PPP2R2B: variants seen among roughly 807,000 people sequenced by gnomAD.
PPP2R2B encodes the protein protein phosphatase 2 regulatory subunit Bbeta.
Under a neutral mutation model 46.0 loss-of-function variants are expected in PPP2R2B, and 5 were observed. The observed-to-expected ratio is 0.11, with a 90% CI of 0.06 to 0.23. PPP2R2B has a LOEUF of 0.23. PPP2R2B is among the 10% of genes least tolerant of loss of function. PPP2R2B has a pLI of 1.00. For synonymous variants in PPP2R2B, 215 were observed against 206.7 expected (o/e 1.04, Z -0.34); for missense variants, 367 against 575.0 (o/e 0.64, Z 3.70).
chr5:146,839,650 A>G (rs554485530), intron 2 of PPP2R2B, among the ~76,000 whole-genome samples: 3 of 152,354 alleles, frequency 2.0e-5, no homozygotes, highest in African/African-American at 7.2e-5. Flanking sequence ...TACTTAAGAA[A>G]TGGACTTGCT....
chr5:146,934,966 A>G (rs1214882300), intron 1 of PPP2R2B, among the ~76,000 whole-genome samples: 2 of 152,210 alleles, frequency 1.3e-5, no homozygotes, highest in African/African-American at 4.8e-5. Context: ...CAAAGCATTC[A>G]TACTCCATCA....
chr5:146,769,915 C>T (rs575117413), intron 2 of PPP2R2B, among the ~76,000 whole-genome samples: 6 of 152,144 alleles, frequency 3.9e-5, no homozygotes, highest in African/African-American at 1.4e-4. Context: ...CCTAGTTATT[C>T]TAGTTCTAAA....
At chr5:147,007,395 A>G (rs1754493391) in intron 1 of PPP2R2B, among the ~76,000 whole-genome samples, 1 of 152,060 alleles carries the variant, frequency 6.6e-6, no homozygotes, top group Admixed American at 6.6e-5. Flanking sequence ...GTAAAAATGC[A>G]CCAATCAGCA....
intron 1 of PPP2R2B, among the ~76,000 whole-genome samples, chr5:146,921,204 A>T (rs1763592516): frequency 6.6e-6 from 1 of 152,246 alleles, no homozygotes; most frequent in Admixed American, 6.5e-5. Flanking sequence ...CTAATTAATA[A>T]AAGATATCAT....
intron 2 of PPP2R2B, among the ~76,000 whole-genome samples, chr5:146,850,632 C>T (rs1427414671): frequency 3.3e-5 from 5 of 152,154 alleles, no homozygotes; most frequent in East Asian, 1.9e-4. Flanking sequence ...TTATGACTTT[C>T]GGATTTAGCA....
At chr5:147,067,285 C>T (rs1001423369) in intron 2 of PPP2R2B, among the ~76,000 whole-genome samples, 1 of 152,158 alleles carries the variant, frequency 6.6e-6, no homozygotes, top group African/African-American at 2.4e-5. Context: ...TTCCTCCTAT[C>T]TGAAATTTTG....
intron 1 of PPP2R2B, among the ~76,000 whole-genome samples, chr5:147,012,619 T>G (rs1754796108): frequency 6.6e-6 from 1 of 152,066 alleles, no homozygotes; most frequent in African/African-American, 2.4e-5. Context: ...TGCCTTCTGC[T>G]AGCTTTTGAA....
At chr5:146,899,939 A>T (rs1053595009) in intron 1 of PPP2R2B, among the ~76,000 whole-genome samples, 1 of 152,192 alleles carries the variant, frequency 6.6e-6, no homozygotes, top group Non-Finnish European at 1.5e-5. Flanking sequence ...AACACAGGCC[A>T]TATCTATGTT....
chr5:146,962,458 A>T (rs1752215889), intron 1 of PPP2R2B, among the ~76,000 whole-genome samples: 2 of 151,934 alleles, frequency 1.3e-5, no homozygotes, highest in South Asian at 4.2e-4. Flanking sequence ...GGAGTTCGAG[A>T]CTAGCCTGAC....
intron 1 of PPP2R2B, among the ~76,000 whole-genome samples, chr5:146,990,954 C>T (rs1248831423): frequency 1.3e-5 from 2 of 152,018 alleles, no homozygotes; most frequent in African/African-American, 4.8e-5. Context: ...GAATGGCCAA[C>T]AGGTATATGA....
chr5:146,595,341 G>A (rs1430847323), intron 8 of PPP2R2B, among the ~76,000 whole-genome samples: 1 of 152,162 alleles, frequency 6.6e-6, no homozygotes, highest in Admixed American at 6.5e-5. Context: ...AGGTTTTTAA[G>A]GTCTAGTTCC....
At chr5:146,897,928 G>A (rs1337873511) in intron 1 of PPP2R2B, among the ~76,000 whole-genome samples, 2 of 152,168 alleles carry the variant, frequency 1.3e-5, no homozygotes, top group Admixed American at 6.5e-5. Context: ...AGTGGCTCAC[G>A]CCTGTAATCC....
At chr5:146,722,816 A>G (rs1192771287) in intron 2 of PPP2R2B, among the ~76,000 whole-genome samples, 1 of 152,342 alleles carries the variant, frequency 6.6e-6, no homozygotes, top group Admixed American at 6.5e-5. Flanking sequence ...CCAGTTTGAC[A>G]TGGTTCTTGT....
At chr5:147,048,231 C>T (rs1313529187) in intron 1 of PPP2R2B, among the ~76,000 whole-genome samples, 2 of 152,056 alleles carry the variant, frequency 1.3e-5, no homozygotes, top group Non-Finnish European at 2.9e-5. Flanking sequence ...AAGAACAATG[C>T]CTGAAATGTT....
upstream of PPP2R2B, among the ~76,000 whole-genome samples, chr5:146,880,704 T>G (rs1238752422): frequency 6.6e-6 from 1 of 152,190 alleles, no homozygotes; most frequent in Non-Finnish European, 1.5e-5. Flanking sequence ...GGCCAGGCTG[T>G]GCTTGAGGAA....
rs1021385013 is a variant in PPP2R2B at position 146,585,747 on chromosome 5, G to A, written c.*4200C>T. 11 of 152,234 alleles carry A rather than the reference G, an allele frequency of 7.2e-5. No homozygotes were observed. In the East Asian group the frequency reaches 1.7e-3, roughly 24 times the overall value. 9.4% of individuals were successfully genotyped at this position (152,234 alleles called of 1,614,324 possible). A position where few individuals can be genotyped will look rare whatever the true frequency, so the allele number is the denominator to read the frequency against. On this transcript the variant is annotated 3_prime_UTR_variant, in exon 10 of 10. Coordinates refer to ENST00000394411, the MANE Select transcript of PPP2R2B (RefSeq NM_181675.4). ...AAGCAATAGTATATTACCCATCACT[G>A]TTGTTGCTATTATTAGTTTATGGTG...
chr5:146,764,448 C>A (rs373987715), intron 2 of PPP2R2B, among the ~76,000 whole-genome samples: 44 of 152,306 alleles, frequency 2.9e-4, no homozygotes, highest in South Asian at 6.2e-4. Flanking sequence ...AAGTCTATTG[C>A]CTCTTCTGGA....
intron 1 of PPP2R2B, among the ~76,000 whole-genome samples, chr5:146,900,227 A>G (rs1037182220): frequency 2.0e-5 from 3 of 152,206 alleles, no homozygotes; most frequent in Non-Finnish European, 4.4e-5. Flanking sequence ...CCAAGGAATA[A>G]GTGTCAAAAA....
intron 1 of PPP2R2B, among the ~76,000 whole-genome samples, chr5:146,995,249 G>T (rs577635974): frequency 6.6e-6 from 1 of 152,280 alleles, no homozygotes; most frequent in East Asian, 1.9e-4. Flanking sequence ...TTCATATTAA[G>T]ATTAAATAGG....
Sources: gnomAD v4.1 joint callset for allele counts (sites outside exome capture counted in the v4.1 genomes callset) on GRCh38, gnomAD v4.1.1 for gene constraint, MANE v1.5 for transcripts, NCBI Gene and HGNC (gene_info 2026-07-23, HGNC 2026-07-21) for gene names.